RANGAP1: variants seen among roughly 807,000 people sequenced by gnomAD.
RANGAP1 encodes the protein Ran GTPase activating protein 1.
A neutral mutation model predicts 63.5 loss-of-function variants in RANGAP1; 38 were observed. The observed-to-expected ratio is 0.60, with a 90% CI of 0.46 to 0.78. The LOEUF (loss-of-function observed/expected upper bound fraction) is 0.78. RANGAP1 is among the 30% of genes least tolerant of loss of function. The pLI, the probability that RANGAP1 is intolerant of heterozygous loss-of-function variation, is 0.00. For missense variants in RANGAP1, 630 were observed against 740.3 expected, an observed-to-expected ratio of 0.85 and a Z score of 1.73; for synonymous variants, 329 against 310.5, an observed-to-expected ratio of 1.06 and a Z score of -0.63.
chr22:41,246,569 T>C lies in RANGAP1; in HGVS notation c.*34A>G. The C allele has an allele frequency of 1.3e-6, 2 of 1,505,840 alleles. No homozygotes were observed. Among genetic ancestry groups the C allele is most frequent in the African/African-American group, 2.8e-5 (2 of 72,414 alleles). The allele number at this position is 1,505,840 out of a possible 1,614,324, so 93.3% of individuals were successfully genotyped here. A position where few individuals can be genotyped will look rare whatever the true frequency, so the allele number is the denominator to read the frequency against. On this transcript the variant is annotated 3_prime_UTR_variant, in exon 16 of 16. Coordinates refer to ENST00000356244, the MANE Select transcript of RANGAP1 (RefSeq NM_002883.4). ...TCATCCGAGTCCCTCCCCAGCTCACTGGTCCAGGCCAAGGGATGGGAGAGG... is the reference window on the plus strand; with the variant it reads ...TCATCCGAGTCCCTCCCCAGCTCACCGGTCCAGGCCAAGGGATGGGAGAGG...
In RANGAP1 at chr22:41,249,398, C is replaced by A. The variant is rs371491602; in HGVS notation, c.1626G>T (p.Leu542=). The change falls in exon 15 of 16, where the codon CTG becomes CTT. Residue 542 remains leucine, a synonymous_variant. Transcript: ENST00000356244. ...AATAGTCCTGCTGCACCATGTGGTT[C>A]AGCGCCATCAGGGGGCCGTACAGGT... is the stretch of plus-strand genomic sequence containing the variant. ...IANLYGPLMA[L]NHMVQQDYFP... 7.1e-5 allele frequency: 114 copies of A among 1,613,988 alleles called. No homozygotes were observed. The highest frequency in any genetic ancestry group is 9.2e-5 in the Non-Finnish European group (109 of 1,179,984).
chr22:41,276,825 A>C (rs2035173956), intron 2 of RANGAP1, among the ~76,000 whole-genome samples: 2 of 151,844 alleles, frequency 1.3e-5, no homozygotes, highest in Non-Finnish European at 2.9e-5. Flanking sequence ...TCTACTAAAA[A>C]TACAAAAATT....
intron 4 of RANGAP1, among the ~76,000 whole-genome samples, chr22:41,267,583 G>A (rs1811214551): frequency 6.6e-6 from 1 of 152,124 alleles, no homozygotes; most frequent in South Asian, 2.1e-4. Context: ...CAGAGACTGG[G>A]AACTCGACCC....
At chr22:41,249,018 G>A (rs752855657) in intron 15 of RANGAP1, among the ~76,000 whole-genome samples, 3 of 152,214 alleles carry the variant, frequency 2.0e-5, no homozygotes, top group Admixed American at 6.5e-5. Context: ...TCTTGCTAGC[G>A]TGTGACCAAG....
In RANGAP1 at chr22:41,244,970, C is replaced by T. The variant is rs1480500926; in HGVS notation, c.*1633G>A. Among the ~76,000 whole-genome samples the T allele has an allele frequency of 6.6e-6, 1 of 152,238 alleles. No homozygotes were observed. Among genetic ancestry groups the T allele is most frequent in the Non-Finnish European group, 1.5e-5 (1 of 68,048 alleles). ...CTTCTTGTCTCTGAATTTGCTTATT[C>T]TAGATGCCTCATCTAAATGGAATCA... is the stretch of plus-strand genomic sequence containing the variant. On this transcript the variant is annotated 3_prime_UTR_variant, in exon 16 of 16. Transcript: ENST00000356244.
intron 2 of RANGAP1, chr22:41,280,575 T>C: frequency 1.9e-6 from 2 of 1,035,522 alleles, no homozygotes; most frequent in South Asian, 1.3e-5. Flanking sequence ...CAGGCCTGCC[T>C]GGGATCATGG....
intron 6 of RANGAP1, 47 bp downstream of exon 6, chr22:41,261,399 G>A (rs1476593287): frequency 5.0e-6 from 8 of 1,612,084 alleles, no homozygotes; most frequent in East Asian, 2.2e-5. Context: ...CTACTATGCC[G>A]AGTGCACCTC....
In RANGAP1 at chr22:41,281,431, C is replaced by T. The variant is rs1052320492; in HGVS notation, c.-38-349G>A. 9 of 1,005,820 alleles carry T rather than the reference C, an allele frequency of 8.9e-6. No individual in the cohort carries two copies. In the African/African-American group the frequency reaches 1.4e-4, roughly 16 times the overall value. 62.3% of individuals were successfully genotyped at this position (1,005,820 alleles called of 1,614,324 possible). ...TGGCAGTCAAGTCCCAAACCAAAGGCTGCAGAGTCTGGCCCAAGCACACAC... is the reference window on the plus strand; with the variant it reads ...TGGCAGTCAAGTCCCAAACCAAAGGTTGCAGAGTCTGGCCCAAGCACACAC... On this transcript the variant is annotated intron_variant, in intron 1 of 15. Transcript: ENST00000356244.
chr22:41,298,388 C>T, the RANGAP1 span, among the ~76,000 whole-genome samples: 1 of 152,034 alleles, frequency 6.6e-6, no homozygotes, highest in South Asian at 2.1e-4. Flanking sequence ...GATCTCGGCT[C>T]ACTGCAACCT....
At chr22:41,289,337 T>C (rs1168695304), upstream of RANGAP1, among the ~76,000 whole-genome samples, 1 of 151,918 alleles carries the variant, frequency 6.6e-6, no homozygotes, top group Non-Finnish European at 1.5e-5. Flanking sequence ...CATCACTGTT[T>C]CTGGCCGGGC....
upstream of RANGAP1, among the ~76,000 whole-genome samples, chr22:41,290,229 CTTT>C (rs11336113): frequency 5.5e-5 from 6 of 108,256 alleles, no homozygotes; most frequent in Admixed American, 1.0e-4. Context: ...ATTATTATTA[CTTT>C]TTTTTTTTTT....
chr22:41,246,328 C>T lies in RANGAP1; in HGVS notation c.*275G>A. 1 of 335,090 alleles carries T rather than the reference C, an allele frequency of 3.0e-6. No individual in the cohort carries two copies. Among genetic ancestry groups the T allele is most frequent in the Non-Finnish European group, 5.6e-6 (1 of 179,046 alleles). 20.8% of individuals were successfully genotyped at this position (335,090 alleles called of 1,614,324 possible). On this transcript the variant is annotated 3_prime_UTR_variant, in exon 16 of 16. Transcript: ENST00000356244. Reference sequence around the variant, plus strand: ...GGAGGTGAGTTTAATGGCGGAGCAGCTCACAGCCCTTTCCCCTGGGGGCCA... The same window carrying T: ...GGAGGTGAGTTTAATGGCGGAGCAGTTCACAGCCCTTTCCCCTGGGGGCCA...
chr22:41,264,661 C>T lies in RANGAP1; in HGVS notation c.480+3G>A, dbSNP rs183552241. 2.5e-6 allele frequency: 4 copies of T among 1,609,244 alleles called. No homozygotes were observed. The highest frequency in any genetic ancestry group is 2.7e-5 in the African/African-American group (2 of 75,000). ...TCTGCGGGGAGGGGGCTGCCACACC[C>T]ACCTTGCCGCCGCCAATGCCCATGC... On this transcript the variant is annotated splice_donor_region_variant and intron_variant, in intron 5 of 15. Coordinates refer to ENST00000356244, the MANE Select transcript of RANGAP1 (RefSeq NM_002883.4).
chr22:41,297,578 A>G, the RANGAP1 span, among the ~76,000 whole-genome samples: 3 of 143,020 alleles, frequency 2.1e-5, no homozygotes, highest in East Asian at 6.3e-4. Context: ...TGATGAAGCC[A>G]TGGCTCACTG....
At chr22:41,280,529 CA>C in intron 2 of RANGAP1, 3 of 608,988 alleles carry the variant, frequency 4.9e-6, no homozygotes, top group Non-Finnish European at 7.5e-6. Context: ...GCAGCTCCAC[CA>C]GAGCCTCAGC....
chr22:41,277,373 C>A, intron 2 of RANGAP1: 5 of 951,072 alleles, frequency 5.3e-6, no homozygotes, highest in Non-Finnish European at 7.1e-6. Flanking sequence ...CCACCGCGCC[C>A]GGCCGAAAGT....
chr22:41,248,083 TG>T (rs1006140479), intron 15 of RANGAP1, among the ~76,000 whole-genome samples: 1 of 147,234 alleles, frequency 6.8e-6, no homozygotes, highest in Non-Finnish European at 1.5e-5. Context: ...AGACGGGGGC[TG>T]GGGCCACTGG....
chr22:41,249,249 C>G (rs1238271758), intron 15 of RANGAP1, 81 bp downstream of exon 15: 22 of 1,493,256 alleles, frequency 1.5e-5, no homozygotes, highest in Non-Finnish European at 1.9e-5. Flanking sequence ...GGGGCTGGGC[C>G]TCCCGGAACC....
chr22:41,268,015 A>G, intron 4 of RANGAP1, 82 bp downstream of exon 4: 2 of 1,384,780 alleles, frequency 1.4e-6, no homozygotes, highest in South Asian at 2.5e-5. Flanking sequence ...TAGGCTCCAG[A>G]AAGAATAAAG....
Sources: allele counts gnomAD v4.1 joint callset (sites outside exome capture counted in the v4.1 genomes callset), GRCh38; gene constraint gnomAD v4.1.1; transcripts MANE v1.5; gene names NCBI Gene and HGNC (gene_info 2026-07-23, HGNC 2026-07-21).